The following CPM variants were observed in gnomAD, a reference collection of about 807,000 sequenced individuals.
The protein encoded by CPM is carboxypeptidase M.
A neutral mutation model predicts 46.4 loss-of-function variants in CPM; 35 were observed. That is an observed-to-expected ratio of 0.75 (90% CI 0.58 to 1.00). The LOEUF (loss-of-function observed/expected upper bound fraction) is 1.00, where lower values mean the gene tolerates loss of function less well. Among genes scored for constraint, CPM ranks in the 50% least tolerant of loss-of-function variants. CPM has a pLI of 0.00. For missense variants in CPM, 422 were observed against 530.4 expected (o/e 0.80, Z 2.01); for synonymous variants, 195 against 195.3 (o/e 1.00, Z 0.01).
At position 68,865,181 on chromosome 12, in the gene CPM, T is replaced by C. The variant is rs1885381627; in HGVS notation, c.940+1715A>G. Among the ~76,000 whole-genome samples, 2 of 152,098 alleles carry C rather than the reference T, an allele frequency of 1.3e-5. 1 individual carries two copies. Among genetic ancestry groups the C allele is most frequent in the South Asian group, 4.1e-4 (2 of 4,824 alleles). Reference sequence around the variant, plus strand: ...AAGCAAGAGAGAACCCAAGACAACGTTTGATGACATAATGAAGAAGGTGAA... The same window carrying C: ...AAGCAAGAGAGAACCCAAGACAACGCTTGATGACATAATGAAGAAGGTGAA... On this transcript the variant is annotated intron_variant, in intron 7 of 8. Coordinates refer to ENST00000551568, the MANE Select transcript of CPM (RefSeq NM_198320.5).
chr12:68,925,968 T>C (rs1409896372), intron 2 of CPM, among the ~76,000 whole-genome samples: 1 of 152,222 alleles, frequency 6.6e-6, no homozygotes, highest in Non-Finnish European at 1.5e-5. Flanking sequence ...TAGAGTGCAG[T>C]GGCACAATTA....
downstream of CPM, chr12:68,847,159 T>TAA (rs531536568): frequency 7.3e-3 from 709 of 96,506 alleles, 23 homozygotes; most frequent in African/African-American, 0.046. Context: ...TATATATATA[T>TAA]AATACATATG....
chr12:68,888,982 C>T (rs1437105919), intron 2 of CPM, among the ~76,000 whole-genome samples: 2 of 152,206 alleles, frequency 1.3e-5, no homozygotes, highest in Non-Finnish European at 2.9e-5. Context: ...TTAAGTATAG[C>T]TTCAACAGGC....
At chr12:68,937,816 G>T (rs1475757424), upstream of CPM, among the ~76,000 whole-genome samples, 1 of 152,104 alleles carries the variant, frequency 6.6e-6, no homozygotes, top group Non-Finnish European at 1.5e-5. Context: ...AACATGCATT[G>T]CTTTTTTAAA....
At chr12:68,904,280 T>C (rs112001003) in intron 2 of CPM, among the ~76,000 whole-genome samples, 98 of 152,338 alleles carry the variant, frequency 6.4e-4, no homozygotes, top group Non-Finnish European at 1.1e-3. Context: ...AGAGACACTC[T>C]TGACTATAAC....
At chr12:68,957,961 G>A (rs1889051706) in intron 1 of CPM, among the ~76,000 whole-genome samples, 1 of 151,400 alleles carries the variant, frequency 6.6e-6, no homozygotes, top group Admixed American at 6.6e-5. Context: ...CTGTCCTTGT[G>A]ATAGTTTGCT....
At chr12:68,899,836 G>A (rs1276143712) in intron 2 of CPM, among the ~76,000 whole-genome samples, 1 of 152,172 alleles carries the variant, frequency 6.6e-6, no homozygotes, top group Non-Finnish European at 1.5e-5. Context: ...TAGGCAGTAA[G>A]AAGTCATGCT....
At chr12:68,963,300 T>A (rs1889153230), upstream of CPM, 1 of 181,576 alleles carries the variant, frequency 5.5e-6, no homozygotes, top group Non-Finnish European at 1.1e-5. Context: ...CCTCACTCCA[T>A]CTGTTAAAGT....
intron 2 of CPM, among the ~76,000 whole-genome samples, chr12:68,917,273 C>T (rs1565862): frequency 0.55 from 83,409 of 151,972 alleles, 23,235 homozygotes; most frequent in Non-Finnish European, 0.6. Context: ...TTCTCGCACA[C>T]AGCTAATGAC....
rs1456793696 is a variant in CPM at position 68,870,169 on chromosome 12, C to T, written c.616+46G>A. The T allele has an allele frequency of 4.5e-6, 7 of 1,567,048 alleles. No individual in the cohort carries two copies. In the South Asian group the frequency reaches 4.7e-5, roughly 11 times the overall value. On this transcript the variant is annotated intron_variant, in intron 5 of 8. Transcript: ENST00000551568. ...CATCCAGAGGCAGAGAGTTTTCAGC[C>T]CCACTCTGGACTTAAGAAGCCAGAA...
intron 2 of CPM, among the ~76,000 whole-genome samples, chr12:68,903,244 C>G (rs968509433): frequency 3.9e-5 from 6 of 152,210 alleles, no homozygotes; most frequent in African/African-American, 1.2e-4. Flanking sequence ...GAGCTGAAGA[C>G]AGTAGCTTTA....
intron 5 of CPM, chr12:68,842,627 C>G (rs765388354): frequency 2.5e-5 from 7 of 283,700 alleles, no homozygotes; most frequent in Admixed American, 2.3e-4. Context: ...AAAATAGTTA[C>G]GCTATTTGGT....
intron 2 of CPM, among the ~76,000 whole-genome samples, chr12:68,896,363 C>G (rs796186634): frequency 6.6e-6 from 1 of 151,866 alleles, no homozygotes; most frequent in African/African-American, 2.4e-5. Flanking sequence ...TTTATTGAAA[C>G]CAAAGGTTTT....
At chr12:68,865,898 C>T (rs1393245889) in intron 7 of CPM, among the ~76,000 whole-genome samples, 1 of 152,136 alleles carries the variant, frequency 6.6e-6, no homozygotes, top group Non-Finnish European at 1.5e-5. Context: ...ATCAGCATCA[C>T]GTGGTAAGGT....
intron 2 of CPM, among the ~76,000 whole-genome samples, chr12:68,929,690 T>C (rs940251093): frequency 1.3e-5 from 2 of 152,234 alleles, no homozygotes; most frequent in Non-Finnish European, 2.9e-5. Flanking sequence ...CATGTATCAA[T>C]GGTTTTATAG....
chr12:68,930,625 C>T (rs1888461583), intron 2 of CPM, among the ~76,000 whole-genome samples: 1 of 152,298 alleles, frequency 6.6e-6, no homozygotes, highest in East Asian at 1.9e-4. Flanking sequence ...ATATTCAACA[C>T]AAATATTTAA....
At chr12:68,891,676 TG>T (rs1326005114) in intron 2 of CPM, among the ~76,000 whole-genome samples, 2 of 152,190 alleles carry the variant, frequency 1.3e-5, no homozygotes, top group African/African-American at 4.8e-5. Context: ...CCATCCTGGA[TG>T]TGCTGAATGA....
rs1317822928 is a variant in CPM at position 68,855,737 on chromosome 12, G to GTT, written c.*698_*699dup. 7.0e-6 allele frequency: 1 copy of GTT among 142,050 alleles called. No homozygotes were observed. Among genetic ancestry groups the GTT allele is most frequent in the African/African-American group, 2.9e-5 (1 of 33,930 alleles). The allele number at this position is 142,050 out of a possible 1,614,324, so 8.8% of individuals were successfully genotyped here. ...GGTGAGGTGTTTTTTTTGTTTGTTT[G>GTT]TTTTTGTTTTTTTTTTTTTGAGACA... On this transcript the variant is annotated 3_prime_UTR_variant, in exon 9 of 9. Coordinates refer to ENST00000551568, the MANE Select transcript of CPM (RefSeq NM_198320.5).
At chr12:68,922,102 G>A (rs754626745) in intron 2 of CPM, among the ~76,000 whole-genome samples, 16 of 152,170 alleles carry the variant, frequency 1.1e-4, no homozygotes, top group Non-Finnish European at 2.4e-4. Context: ...AGGAGAAGAG[G>A]TGTGGAAGGA....
Sources: allele counts gnomAD v4.1 joint callset (sites outside exome capture counted in the v4.1 genomes callset), GRCh38; gene constraint gnomAD v4.1.1; transcripts MANE v1.5; gene names NCBI Gene and HGNC (gene_info 2026-07-23, HGNC 2026-07-21).